CSNK1G1: variants seen among roughly 807,000 people sequenced by gnomAD.
CSNK1G1 encodes the protein casein kinase 1 gamma 1.
Under a neutral mutation model 59.6 loss-of-function variants are expected in CSNK1G1, and 22 were observed. The ratio of observed to expected loss-of-function variants is 0.37; its 90% CI spans 0.26 to 0.53. CSNK1G1 has a LOEUF of 0.53. Among genes scored for constraint, CSNK1G1 ranks in the 20% least tolerant of loss-of-function variants. The pLI, the probability that CSNK1G1 is intolerant of heterozygous loss-of-function variation, is 0.89. For synonymous variants in CSNK1G1, 179 were observed against 177.1 expected, an observed-to-expected ratio of 1.01 and a Z score of -0.08; for missense variants, 384 against 519.5, an observed-to-expected ratio of 0.74 and a Z score of 2.54.
rs534877489 is a variant in CSNK1G1 at position 64,165,999 on chromosome 15, A to G, written c.*5932T>C. ...CATTTCAAATACACTTGAAATTGAC[A>G]TTCATGTTTAAAAATACTACAAATT... On this transcript the variant is annotated 3_prime_UTR_variant, in exon 12 of 12. Transcript: ENST00000303052. 1.5e-6 allele frequency: 1 copy of G among 681,732 alleles called. No homozygotes were observed. The highest frequency in any genetic ancestry group is 1.6e-5 in the South Asian group (1 of 62,668). 42.2% of individuals were successfully genotyped at this position (681,732 alleles called of 1,614,324 possible). A position where few individuals can be genotyped will look rare whatever the true frequency, so the allele number is the denominator to read the frequency against.
chr15:64,180,563 G>C, intron 10 of CSNK1G1, 109 bp from the exon 11 acceptor site: 1 of 822,844 alleles, frequency 1.2e-6, no homozygotes. Flanking sequence ...TTGTTTTCCT[G>C]GGTTAAGGGA....
chr15:64,316,915 C>T (rs1755599425), intron 1 of CSNK1G1: 1 of 152,004 alleles, frequency 6.6e-6, no homozygotes, highest in Admixed American at 6.6e-5. Flanking sequence ...AGTTGTAAGC[C>T]CTTAAAAGGG....
chr15:64,207,469 C>T (rs1482979328), intron 7 of CSNK1G1, 40 bp downstream of exon 7: 4 of 1,415,236 alleles, frequency 2.8e-6, no homozygotes, highest in Non-Finnish European at 4.0e-6. Context: ...AACAACTGAG[C>T]ATTGAAACAA....
At chr15:64,212,094 C>G (rs914516672) in intron 6 of CSNK1G1, among the ~76,000 whole-genome samples, 2 of 152,204 alleles carry the variant, frequency 1.3e-5, no homozygotes, top group African/African-American at 4.8e-5. Context: ...ATTATCCATT[C>G]AACCCTCAAA....
intron 2 of CSNK1G1, among the ~76,000 whole-genome samples, chr15:64,281,214 G>C (rs1894113587): frequency 6.6e-6 from 1 of 152,138 alleles, no homozygotes; most frequent in African/African-American, 2.4e-5. Flanking sequence ...TATTATCCTT[G>C]AGGACGTTAT....
At chr15:64,328,919 G>C (rs1461013094) in intron 1 of CSNK1G1, among the ~76,000 whole-genome samples, 1 of 134,834 alleles carries the variant, frequency 7.4e-6, no homozygotes, top group Non-Finnish European at 1.6e-5. Flanking sequence ...GATCAAAAGA[G>C]ACAAAGAAGG....
rs1027672709 is a variant in CSNK1G1 at position 64,214,685 on chromosome 15, C to T, written c.445-561G>A. Among the ~76,000 whole-genome samples, 10 of 152,072 alleles carry T rather than the reference C, an allele frequency of 6.6e-5. No individual in the cohort carries two copies. The highest frequency in any genetic ancestry group is 8.8e-5 in the Non-Finnish European group (6 of 68,024). On this transcript the variant is annotated intron_variant, in intron 5 of 11. Coordinates refer to ENST00000303052, the MANE Select transcript of CSNK1G1 (RefSeq NM_022048.5). This position sits in a 1 kb window ranked among gnomAD's most constrained non-coding sequence, Gnocchi z 4.3. ...ATTATTATTATTATTATTTTTGAGA[C>T]GGAGTCTTGCTCTGTCACCCAGGGT...
chr15:64,261,616 C>G (rs546548308), intron 2 of CSNK1G1, among the ~76,000 whole-genome samples: 2 of 151,326 alleles, frequency 1.3e-5, no homozygotes, highest in African/African-American at 4.9e-5. Flanking sequence ...ACAACAACAA[C>G]AAAAAACAAA....
chr15:64,243,901 G>A (rs1440706080), intron 4 of CSNK1G1, among the ~76,000 whole-genome samples: 1 of 151,024 alleles, frequency 6.6e-6, no homozygotes, highest in Non-Finnish European at 1.5e-5. Context: ...GGGCATGGTG[G>A]CTCACACCTG....
intron 1 of CSNK1G1, among the ~76,000 whole-genome samples, chr15:64,336,075 C>T (rs1412014787): frequency 6.6e-6 from 1 of 152,100 alleles, no homozygotes; most frequent in African/African-American, 2.4e-5. Context: ...CTATTTTTTA[C>T]CTATCTGCCT....
chr15:64,205,362 A>T (rs748662281), intron 7 of CSNK1G1, among the ~76,000 whole-genome samples: 2 of 152,262 alleles, frequency 1.3e-5, no homozygotes, highest in African/African-American at 4.8e-5. Flanking sequence ...GGGGAAACAG[A>T]TAAGTAATTC....
intron 4 of CSNK1G1, among the ~76,000 whole-genome samples, chr15:64,248,137 T>C (rs955017135): frequency 6.6e-6 from 1 of 152,072 alleles, no homozygotes; most frequent in African/African-American, 2.4e-5. Flanking sequence ...ATCAAAAGAG[T>C]GGCATATGCG....
intron 2 of CSNK1G1, among the ~76,000 whole-genome samples, chr15:64,295,344 T>A (rs1020798956): frequency 1.3e-5 from 2 of 152,214 alleles, no homozygotes; most frequent in African/African-American, 2.4e-5. Context: ...GCTTCCGGCA[T>A]AAATGGGTTT....
intron 2 of CSNK1G1, 84 bp from the exon 3 acceptor site, chr15:64,259,325 G>A (rs1892562187): frequency 5.3e-6 from 5 of 936,026 alleles, no homozygotes; most frequent in Non-Finnish European, 8.1e-6. Flanking sequence ...AGGGTCATGA[G>A]AAAGGTTATA....
At chr15:64,293,592 T>C (rs1443693266) in intron 2 of CSNK1G1, among the ~76,000 whole-genome samples, 1 of 152,186 alleles carries the variant, frequency 6.6e-6, no homozygotes, top group Non-Finnish European at 1.5e-5. Flanking sequence ...GCTTCCAGGA[T>C]GTAGTCTAAG....
chr15:64,247,421 C>A (rs1452476082), intron 4 of CSNK1G1, among the ~76,000 whole-genome samples: 1 of 152,074 alleles, frequency 6.6e-6, no homozygotes, highest in Non-Finnish European at 1.5e-5. Flanking sequence ...TTTCAAGGTT[C>A]TCATGGTCCC....
intron 10 of CSNK1G1, among the ~76,000 whole-genome samples, chr15:64,196,695 G>A (rs1032396806): frequency 4.0e-5 from 6 of 151,560 alleles, no homozygotes; most frequent in African/African-American, 9.7e-5. Context: ...CAGGTGATCC[G>A]CCCGCCTCGG....
chr15:64,313,639 T>C (rs1896111921), intron 1 of CSNK1G1, among the ~76,000 whole-genome samples: 2 of 151,952 alleles, frequency 1.3e-5, no homozygotes, highest in African/African-American at 4.8e-5. Flanking sequence ...TTAGGAGAAA[T>C]ACCTAATGTA....
At chr15:64,183,736 T>A (rs550331503) in intron 10 of CSNK1G1, among the ~76,000 whole-genome samples, 52 of 152,084 alleles carry the variant, frequency 3.4e-4, no homozygotes, top group African/African-American at 1.2e-3. Flanking sequence ...CTTTATGTTT[T>A]TCTTTTTTTT....
Sources: allele counts gnomAD v4.1 joint callset (sites outside exome capture counted in the v4.1 genomes callset), GRCh38; gene constraint gnomAD v4.1.1; non-coding constraint Gnocchi (gnomAD v3.1); transcripts MANE v1.5; gene names NCBI Gene and HGNC (gene_info 2026-07-23, HGNC 2026-07-21).